FAF2: variants seen among roughly 807,000 people sequenced by gnomAD.
The protein encoded by FAF2 is FAS-associated factor 2.
A neutral mutation model predicts 62.3 loss-of-function variants in FAF2; 9 were observed. The ratio of observed to expected loss-of-function variants is 0.14; its 90% CI spans 0.09 to 0.25. The LOEUF (loss-of-function observed/expected upper bound fraction) is 0.25. Among genes scored for constraint, FAF2 ranks in the 10% least tolerant of loss-of-function variants. The pLI is 1.00. For missense variants in FAF2, 368 were observed against 556.2 expected (o/e 0.66, Z 3.40); for synonymous variants, 202 against 198.0 (o/e 1.02, Z -0.17).
intron 1 of FAF2, among the ~76,000 whole-genome samples, chr5:176,458,677 T>C (rs1758322776): frequency 6.6e-6 from 1 of 152,146 alleles, no homozygotes; most frequent in South Asian, 2.1e-4. Context: ...GTGCTGGGAT[T>C]ACAGGCATGA....
rs1445802282 is a variant in FAF2 at position 176,482,460 on chromosome 5, G to A, written c.132+3204G>A. On this transcript the variant is annotated intron_variant, in intron 2 of 10. Coordinates refer to ENST00000261942, the MANE Select transcript of FAF2 (RefSeq NM_014613.3). ...ACTCCTGGCCTCAAGTGATCCACCC[G>A]CCTTGGCCTCCCAAATTCCTGGAAT... is the stretch of plus-strand genomic sequence containing the variant. Among the ~76,000 whole-genome samples the A allele has an allele frequency of 3.9e-5, 6 of 152,010 alleles. No homozygotes were observed. The East Asian group carries it at 5.8e-4, about 15-fold the overall frequency.
intron 1 of FAF2, among the ~76,000 whole-genome samples, chr5:176,463,710 A>C (rs1414233984): frequency 6.6e-6 from 1 of 151,872 alleles, no homozygotes; most frequent in Non-Finnish European, 1.5e-5. Flanking sequence ...AATTAGAATA[A>C]AGGGTTATTG....
chr5:176,451,137 G>A (rs1581465225), intron 1 of FAF2, among the ~76,000 whole-genome samples: 5 of 152,244 alleles, frequency 3.3e-5, no homozygotes, highest in East Asian at 3.9e-4. Flanking sequence ...TTGGGAGGCC[G>A]AGGCAGGTGG....
chr5:176,460,263 G>T (rs1448394028), intron 1 of FAF2, among the ~76,000 whole-genome samples: 1 of 152,116 alleles, frequency 6.6e-6, no homozygotes, highest in East Asian at 1.9e-4. Flanking sequence ...GGGATTGTTG[G>T]GTCAATTGAT....
chr5:176,448,849 G>T (rs146810904), intron 1 of FAF2, among the ~76,000 whole-genome samples: 5 of 152,244 alleles, frequency 3.3e-5, no homozygotes, highest in Admixed American at 6.5e-5. Flanking sequence ...CGTCATTTCG[G>T]GTCTCTGACA....
intron 10 of FAF2, among the ~76,000 whole-genome samples, chr5:176,502,117 C>T (rs1755601933): frequency 6.6e-6 from 1 of 152,136 alleles, no homozygotes; most frequent in African/African-American, 2.4e-5. Context: ...ACACAGTATC[C>T]ACCATGTAGT....
At chr5:176,464,077 T>C (rs935513301) in intron 1 of FAF2, among the ~76,000 whole-genome samples, 8 of 152,196 alleles carry the variant, frequency 5.3e-5, no homozygotes, top group Non-Finnish European at 1.0e-4. Context: ...CTTGTGTCTC[T>C]AACTTTCCAA....
intron 8 of FAF2, chr5:176,497,002 T>A: frequency 6.3e-6 from 1 of 158,566 alleles, no homozygotes; most frequent in Non-Finnish European, 1.4e-5. Context: ...AAAAATTAGC[T>A]AGGCATGGTG....
chr5:176,470,380 C>A (rs1215735697), intron 1 of FAF2, among the ~76,000 whole-genome samples: 2 of 152,252 alleles, frequency 1.3e-5, no homozygotes, highest in Non-Finnish European at 2.9e-5. Flanking sequence ...GAGTTCGAGA[C>A]CAGCCTGACC....
At chr5:176,486,073 A>C (rs1251815094) in intron 2 of FAF2, among the ~76,000 whole-genome samples, 2 of 152,178 alleles carry the variant, frequency 1.3e-5, no homozygotes, top group Non-Finnish European at 2.9e-5. Flanking sequence ...AGCCACCCTA[A>C]ATAATACATG....
chr5:176,451,756 G>GTA (rs2113712018), intron 1 of FAF2, among the ~76,000 whole-genome samples: 1 of 117,492 alleles, frequency 8.5e-6, no homozygotes, highest in Non-Finnish European at 1.7e-5. Context: ...TATGTATATT[G>GTA]TATATATACA....
chr5:176,478,817 G>T (rs1465177127), intron 1 of FAF2, among the ~76,000 whole-genome samples: 1 of 152,182 alleles, frequency 6.6e-6, no homozygotes, highest in Non-Finnish European at 1.5e-5. Context: ...TTAGGTTTCA[G>T]ATTTGGGATG....
At chr5:176,467,058 A>T (rs1202479212) in intron 1 of FAF2, among the ~76,000 whole-genome samples, 2 of 151,182 alleles carry the variant, frequency 1.3e-5, no homozygotes, top group Admixed American at 1.3e-4. Context: ...GAGGGAAAGG[A>T]TCACGGAGCA....
At chr5:176,498,817 T>G in intron 8 of FAF2, 97 bp from the exon 9 acceptor site, 1 of 1,159,090 alleles carries the variant, frequency 8.6e-7, no homozygotes, top group Non-Finnish European at 1.1e-6. Context: ...ATATCAACAT[T>G]TTTACACACA....
chr5:176,474,698 A>G (rs1308947829), intron 1 of FAF2, among the ~76,000 whole-genome samples: 2 of 152,186 alleles, frequency 1.3e-5, no homozygotes, highest in African/African-American at 2.4e-5. Context: ...TCTTTCATTC[A>G]GATCTCTGCT....
At chr5:176,472,663 C>G (rs1758592497) in intron 1 of FAF2, among the ~76,000 whole-genome samples, 1 of 141,092 alleles carries the variant, frequency 7.1e-6, no homozygotes, top group Non-Finnish European at 1.5e-5. Context: ...GGGAGGATTG[C>G]TTGAGGCCAG....
intron 1 of FAF2, among the ~76,000 whole-genome samples, chr5:176,451,153 C>G (rs1758159578): frequency 6.6e-6 from 1 of 152,066 alleles, no homozygotes; most frequent in African/African-American, 2.4e-5. Context: ...GGTGGATCAC[C>G]TGAGATCAGG....
intron 1 of FAF2, among the ~76,000 whole-genome samples, chr5:176,457,495 A>G (rs1758296791): frequency 6.6e-6 from 1 of 152,016 alleles, no homozygotes; most frequent in Admixed American, 6.6e-5. Context: ...CCGGCCATAA[A>G]CGTTAATTTT....
chr5:176,506,954 T>C lies in FAF2; in HGVS notation c.*4T>C. On this transcript the variant is annotated 3_prime_UTR_variant, in exon 11 of 11. Transcript: ENST00000261942. ...TCAGGACCTAACTGACGAATGACAT[T>C]TTTTTCTTCCTGTCCCCTCCTACCC... The C allele has an allele frequency of 6.6e-7, 1 of 1,512,314 alleles. No individual in the cohort carries two copies. The highest frequency in any genetic ancestry group is 8.9e-7 in the Non-Finnish European group (1 of 1,119,868). 93.7% of individuals were successfully genotyped at this position (1,512,314 alleles called of 1,614,324 possible).
Sources: gnomAD v4.1 joint callset for allele counts (sites outside exome capture counted in the v4.1 genomes callset) on GRCh38, gnomAD v4.1.1 for gene constraint, MANE v1.5 for transcripts, NCBI Gene and HGNC (gene_info 2026-07-23, HGNC 2026-07-21) for gene names.